Variants in MIPOL1 observed in about 807,000 individuals in gnomAD.
The protein encoded by MIPOL1 is mirror-image polydactyly gene 1 protein.
Under a neutral mutation model 60.9 loss-of-function variants are expected in MIPOL1, and 57 were observed. That is an observed-to-expected ratio of 0.94 (90% CI 0.76 to 1.17). MIPOL1 has a LOEUF of 1.17. MIPOL1 is among the 50% of genes most tolerant of loss of function. MIPOL1 has a pLI of 0.00. For synonymous variants in MIPOL1, 179 were observed against 168.8 expected (o/e 1.06, Z -0.47); for missense variants, 551 against 511.6 (o/e 1.08, Z -0.74).
intron 3 of MIPOL1, among the ~76,000 whole-genome samples, chr14:37,253,481 G>T (rs142394591): frequency 3.3e-5 from 5 of 151,760 alleles, no homozygotes; most frequent in African/African-American, 1.2e-4. Flanking sequence ...TTCCACCAGT[G>T]TGATGGTGGT....
At chr14:37,323,946 A>C (rs953876322) in intron 9 of MIPOL1, among the ~76,000 whole-genome samples, 5 of 151,958 alleles carry the variant, frequency 3.3e-5, no homozygotes, top group Non-Finnish European at 7.4e-5. Context: ...TTAATATTAC[A>C]TTTGTTGTTC....
At chr14:37,288,887 A>G (rs944945450) in intron 7 of MIPOL1, among the ~76,000 whole-genome samples, 1 of 152,152 alleles carries the variant, frequency 6.6e-6, no homozygotes, top group Non-Finnish European at 1.5e-5. Context: ...TGGGCCTGAT[A>G]ATTAAAAGGG....
intron 7 of MIPOL1, among the ~76,000 whole-genome samples, chr14:37,296,662 A>G (rs1357884282): frequency 6.6e-5 from 10 of 152,084 alleles, no homozygotes; most frequent in Middle Eastern, 3.4e-3. Context: ...TACCATCAGA[A>G]AATACTATAA....
chr14:37,223,123 C>G (rs565032851), intron 1 of MIPOL1, among the ~76,000 whole-genome samples: 4 of 152,086 alleles, frequency 2.6e-5, no homozygotes, highest in Non-Finnish European at 5.9e-5. Context: ...AACTCCACCT[C>G]CTGGGTTCAA....
chr14:37,411,362 C>T (rs2093678416), intron 10 of MIPOL1, among the ~76,000 whole-genome samples: 2 of 152,110 alleles, frequency 1.3e-5, no homozygotes, highest in Admixed American at 1.3e-4. Flanking sequence ...CTCTAAAGAA[C>T]CTGTTCTAGA....
intron 12 of MIPOL1, among the ~76,000 whole-genome samples, chr14:37,508,351 C>T (rs780240853): frequency 6.6e-6 from 1 of 151,982 alleles, no homozygotes; most frequent in Non-Finnish European, 1.5e-5. Flanking sequence ...TTTTCAATTC[C>T]CATTTACTCC....
chr14:37,336,470 A>G (rs1348784118), intron 9 of MIPOL1, among the ~76,000 whole-genome samples: 3 of 150,804 alleles, frequency 2.0e-5, no homozygotes, highest in Non-Finnish European at 4.4e-5. Context: ...CATAAGCCCA[A>G]CAAAGGCATT....
At chr14:37,224,119 G>A (rs1273871297) in intron 1 of MIPOL1, among the ~76,000 whole-genome samples, 1 of 152,092 alleles carries the variant, frequency 6.6e-6, no homozygotes, top group Non-Finnish European at 1.5e-5. Context: ...TTTATTTTAT[G>A]ATTCTACATG....
intron 9 of MIPOL1, among the ~76,000 whole-genome samples, chr14:37,319,920 A>G (rs1030177313): frequency 2.0e-5 from 3 of 152,066 alleles, no homozygotes; most frequent in African/African-American, 7.2e-5. Flanking sequence ...CCTTGTGTCT[A>G]ATTTCTGTCA....
chr14:37,220,021 G>A (rs778585532), intron 1 of MIPOL1, among the ~76,000 whole-genome samples: 16 of 152,006 alleles, frequency 1.1e-4, no homozygotes, highest in Non-Finnish European at 1.9e-4. Flanking sequence ...ATAAGACATC[G>A]TTAGGAAAGG....
intron 9 of MIPOL1, among the ~76,000 whole-genome samples, chr14:37,335,691 G>A (rs2090053161): frequency 6.6e-6 from 1 of 151,912 alleles, no homozygotes; most frequent in Non-Finnish European, 1.5e-5. Context: ...TCTAACTTTG[G>A]CCATTGTGAA....
chr14:37,411,435 C>T (rs1478244959), intron 10 of MIPOL1, among the ~76,000 whole-genome samples: 1 of 152,078 alleles, frequency 6.6e-6, no homozygotes, highest in Non-Finnish European at 1.5e-5. Context: ...CTAGACAGGA[C>T]AAGCGTATTG....
intron 1 of MIPOL1, among the ~76,000 whole-genome samples, chr14:37,211,238 A>G (rs900229953): frequency 2.0e-5 from 3 of 150,742 alleles, no homozygotes; most frequent in African/African-American, 7.3e-5. Flanking sequence ...CACAGAAAAA[A>G]AACACTTTCA....
At chr14:37,476,326 GT>G (rs925410677) in intron 11 of MIPOL1, among the ~76,000 whole-genome samples, 3 of 151,594 alleles carry the variant, frequency 2.0e-5, no homozygotes, top group Non-Finnish European at 2.9e-5. Context: ...GGTCTGGAAT[GT>G]TTTTTTTCAA....
intron 11 of MIPOL1, among the ~76,000 whole-genome samples, chr14:37,426,336 G>C (rs1361500606): frequency 2.6e-5 from 4 of 151,190 alleles, no homozygotes; most frequent in Non-Finnish European, 4.4e-5. Flanking sequence ...AACATGAGAG[G>C]GTGGGCAGAT....
chr14:37,461,232 C>T (rs923614742), intron 11 of MIPOL1, among the ~76,000 whole-genome samples: 5 of 152,172 alleles, frequency 3.3e-5, no homozygotes, highest in Non-Finnish European at 5.9e-5. Context: ...CTTACAGTTC[C>T]ACATGGCTGG....
At chr14:37,231,917 A>C (rs1970695593) in intron 1 of MIPOL1, among the ~76,000 whole-genome samples, 1 of 151,578 alleles carries the variant, frequency 6.6e-6, no homozygotes, top group African/African-American at 2.4e-5. Context: ...GTATCTCTAC[A>C]AAAAATTTTA....
intron 3 of MIPOL1, among the ~76,000 whole-genome samples, chr14:37,250,684 T>C (rs911909298): frequency 9.2e-5 from 14 of 152,198 alleles, no homozygotes; most frequent in African/African-American, 3.1e-4. Context: ...TTATCTTAAA[T>C]CACAAATTGC....
At chr14:37,521,927 C>A (rs1178903738) in intron 12 of MIPOL1, among the ~76,000 whole-genome samples, 1 of 137,278 alleles carries the variant, frequency 7.3e-6, no homozygotes, top group African/African-American at 2.7e-5. Context: ...TTTTCTTTGG[C>A]TTCAAAAATA....
Sources: allele counts gnomAD v4.1 joint callset (sites outside exome capture counted in the v4.1 genomes callset), GRCh38; gene constraint gnomAD v4.1.1; transcripts MANE v1.5; gene names NCBI Gene and HGNC (gene_info 2026-07-23, HGNC 2026-07-21).